NUP205: variants seen among roughly 807,000 people sequenced by gnomAD.
NUP205 encodes nuclear pore complex protein Nup205.
In NUP205, 76 loss-of-function variants were observed where a neutral mutation model predicts 253.8. The ratio of observed to expected loss-of-function variants is 0.30; its 90% confidence interval spans 0.25 to 0.36. NUP205 has a LOEUF of 0.36. Among genes scored for constraint, NUP205 ranks in the 10% least tolerant of loss-of-function variants. The pLI, the probability that NUP205 is intolerant of heterozygous loss-of-function variation, is 1.00. For missense variants in NUP205, 2,162 were observed against 2,425.5 expected (o/e 0.89, Z 2.28); for synonymous variants, 832 against 850.1 (o/e 0.98, Z 0.37).
At chr7:135,575,928 A>G (rs1052581066) in intron 3 of NUP205, among the ~76,000 whole-genome samples, 1 of 152,242 alleles carries the variant, frequency 6.6e-6, no homozygotes, top group Non-Finnish European at 1.5e-5. Flanking sequence ...GAGATAGTAA[A>G]ATGGGCATTG....
At chr7:135,596,716 A>C (rs1466846440) in intron 13 of NUP205, among the ~76,000 whole-genome samples, 2 of 151,946 alleles carry the variant, frequency 1.3e-5, no homozygotes, top group African/African-American at 4.8e-5. Flanking sequence ...TTGGGAGGCC[A>C]AGGCAGGCAG....
rs1240197464 is a variant in NUP205, at chr7:135,607,249, G to A, written c.3073G>A (p.Val1025Met). 2 of 1,613,458 alleles carry A rather than the reference G, an allele frequency of 1.2e-6. No individual in the cohort carries two copies. The highest frequency in any genetic ancestry group is 1.1e-5 in the South Asian group (1 of 90,854). ...VSTTNLQDPG[V>M]LGCPRTCLHA... ...AATTTCTTTTTGGTTTCATGCAGGA[G>A]TGTTAGGTTGCCCTCGGACATGCCT... Residue 1025 changes from valine (V) to methionine (M), a missense_variant and splice_region_variant, in exon 22 of 43, where the codon GTG becomes ATG. This residue lies in a region of NUP205 where 1,144 missense variants were observed against 1,280.9 expected (regional missense o/e 0.89). Coordinates refer to ENST00000285968, the MANE Select transcript of NUP205 (RefSeq NM_015135.3).
At chr7:135,633,967 C>G (rs1190768666) in intron 35 of NUP205, among the ~76,000 whole-genome samples, 1 of 152,178 alleles carries the variant, frequency 6.6e-6, no homozygotes, top group Non-Finnish European at 1.5e-5. Flanking sequence ...TTAAACGCTC[C>G]CATTAGATTG....
chr7:135,562,843 C>A (rs949439141), intron 1 of NUP205, among the ~76,000 whole-genome samples: 3 of 152,156 alleles, frequency 2.0e-5, no homozygotes, highest in African/African-American at 7.2e-5. Context: ...CACACTCGGT[C>A]ATCAAAATTC....
At chr7:135,635,459 T>C in intron 35 of NUP205, 122 bp from the exon 36 acceptor site, 1 of 533,724 alleles carries the variant, frequency 1.9e-6, no homozygotes, top group Admixed American at 3.5e-5. Flanking sequence ...CTCAAAACTT[T>C]TTTATGGCAA....
At chr7:135,584,712 A>G in intron 7 of NUP205, 120 bp from the exon 8 acceptor site, 1 of 833,298 alleles carries the variant, frequency 1.2e-6, no homozygotes, top group East Asian at 2.6e-5. Context: ...CATTTTGTGC[A>G]TAGCACATGC....
At chr7:135,642,872 G>T (rs1176382830) in intron 38 of NUP205, among the ~76,000 whole-genome samples, 1 of 141,056 alleles carries the variant, frequency 7.1e-6, no homozygotes, top group African/African-American at 2.5e-5. Flanking sequence ...GTGTGTGTGT[G>T]TGTGTGTGTA....
At chr7:135,636,621 C>A (rs1794815967) in intron 36 of NUP205, among the ~76,000 whole-genome samples, 1 of 152,142 alleles carries the variant, frequency 6.6e-6, no homozygotes, top group Non-Finnish European at 1.5e-5. Context: ...TAAGAAGCGG[C>A]AAACACACAT....
At position 135,593,081 on chromosome 7, in the gene NUP205, T is replaced by C; in HGVS notation, c.1719T>C (p.Leu573=). Residue 573 remains leucine, a synonymous_variant, in exon 12 of 43, where the codon CTT becomes CTC. Coordinates refer to ENST00000285968, the MANE Select transcript of NUP205 (RefSeq NM_015135.3). ...MLYHEHLRKD[L]PSADSVQYRH... The stretch of plus-strand genomic sequence containing the variant: ...ACCACGAACACCTTCGGAAGGATCT[T>C]CCAAGTGCAGATAGTGTCCAGTACC... 6.2e-7 allele frequency: 1 copy of C among 1,614,068 alleles called. No homozygotes were observed. The highest frequency in any genetic ancestry group is 8.5e-7 in the Non-Finnish European group (1 of 1,179,970).
At position 135,616,735 on chromosome 7, in the gene NUP205, CT is replaced by C; in HGVS notation, c.3532+12del. ...TGACACTGCTACAAAAGGTAATGCC[CT>C]TTGAATTTGTAATAAATTTATTTTA... On this transcript the variant is annotated intron_variant, in intron 25 of 42. Coordinates refer to ENST00000285968, the MANE Select transcript of NUP205 (RefSeq NM_015135.3). 6.8e-7 allele frequency: 1 copy of C among 1,475,790 alleles called. No homozygotes were observed. The highest frequency in any genetic ancestry group is 9.1e-7 in the Non-Finnish European group (1 of 1,104,678). The allele number at this position is 1,475,790 out of a possible 1,614,324, so 91.4% of individuals were successfully genotyped here. A position where few individuals can be genotyped will look rare whatever the true frequency, so the allele number is the denominator to read the frequency against.
chr7:135,585,002 A>T lies in NUP205; in HGVS notation c.1213A>T (p.Met405Leu). Residue 405 changes from methionine to leucine, a missense_variant, in exon 8 of 43, where the codon ATG becomes TTG. Coordinates refer to ENST00000285968, the MANE Select transcript of NUP205 (RefSeq NM_015135.3). ...CACAGATTTCCTTGCACTTATGCCA[A>T]TGAAGGTAAGTGTAATAATGTAGGA... ...LITDFLALMP[M>L]KVKQLRNRAD... The T allele has an allele frequency of 6.2e-7, 1 of 1,609,350 alleles. No individual in the cohort carries two copies. Among genetic ancestry groups the T allele is most frequent in the East Asian group, 2.2e-5 (1 of 44,774 alleles).
intron 23 of NUP205, among the ~76,000 whole-genome samples, chr7:135,615,389 GTC>G (rs1794334231): frequency 6.6e-6 from 1 of 152,074 alleles, no homozygotes; most frequent in Non-Finnish European, 1.5e-5. Context: ...GTGAGACCCT[GTC>G]TCTACAATAA....
chr7:135,635,547 A>T (rs747208026), intron 35 of NUP205, 34 bp from the exon 36 acceptor site: 7 of 1,132,600 alleles, frequency 6.2e-6, no homozygotes, highest in Non-Finnish European at 9.1e-6. Context: ...TGTTTATTAT[A>T]ATAATATGTT....
chr7:135,568,996 A>G (rs1805865702), intron 1 of NUP205, among the ~76,000 whole-genome samples: 3 of 152,104 alleles, frequency 2.0e-5, no homozygotes, highest in Non-Finnish European at 4.4e-5. Context: ...TATCTCCCCA[A>G]CTGGTGAGCT....
At position 135,644,965 on chromosome 7, in the gene NUP205, G is replaced by A. The variant is rs916035618; in HGVS notation, c.5630G>A (p.Arg1877Gln). Residue 1877 changes from arginine (R) to glutamine (Q), a missense_variant, in exon 40 of 43, where the codon CGG (arginine) becomes CAG (glutamine). By Grantham distance (43) the Arg-to-Gln change is conservative. This residue lies in a region of NUP205 where 1,144 missense variants were observed against 1,280.9 expected (regional missense o/e 0.89). Transcript: ENST00000285968. ...STAQKYVLAR[R>Q]RLVKVINNRA... is the part of the protein sequence containing the mutation. ...GCTCAGAAATATGTTCTAGCAAGAC[G>A]GCGCTTGGTGAAGGTGATCAACAAT... 43 of 1,613,950 alleles carry A rather than the reference G, an allele frequency of 2.7e-5. No individual in the cohort carries two copies. The highest frequency in any genetic ancestry group is 4.5e-5 in the East Asian group (2 of 44,890).
chr7:135,604,901 A>G (rs1244759078), intron 19 of NUP205, among the ~76,000 whole-genome samples: 1 of 152,062 alleles, frequency 6.6e-6, no homozygotes, highest in African/African-American at 2.4e-5. Flanking sequence ...ATGACACTGT[A>G]GAGTGTTTTT....
intron 1 of NUP205, among the ~76,000 whole-genome samples, chr7:135,567,684 T>A (rs1055323008): frequency 6.6e-6 from 1 of 152,168 alleles, no homozygotes; most frequent in Non-Finnish European, 1.5e-5. Context: ...TTAATTACAT[T>A]ACAGTTATCT....
intron 38 of NUP205, among the ~76,000 whole-genome samples, chr7:135,642,843 G>GGTGTGTGT (rs57007288): frequency 0.012 from 1,715 of 144,972 alleles, 26 homozygotes; most frequent in African/African-American, 0.038. Flanking sequence ...GATGTGGAGG[G>GGTGTGTGT]GTGTGTGTGT....
At chr7:135,589,425 G>A (rs1419220492) in intron 10 of NUP205, among the ~76,000 whole-genome samples, 1 of 150,734 alleles carries the variant, frequency 6.6e-6, no homozygotes, top group Non-Finnish European at 1.5e-5. Flanking sequence ...AATAACTGGG[G>A]TTATAGACAT....
Sources: allele counts gnomAD v4.1 joint callset (sites outside exome capture counted in the v4.1 genomes callset), GRCh38; gene constraint gnomAD v4.1.1; regional missense constraint gnomAD v4.1.1; transcripts MANE v1.5; gene names NCBI Gene and HGNC (gene_info 2026-07-23, HGNC 2026-07-21).